Variants in GRIK2 observed in about 807,000 individuals in gnomAD.
GRIK2 encodes the protein glutamate receptor ionotropic, kainate 2.
A neutral mutation model predicts 100.3 loss-of-function variants in GRIK2; 32 were observed. The observed-to-expected ratio is 0.32, with a 90% CI of 0.24 to 0.43. GRIK2 has a LOEUF of 0.43. Ranked by LOEUF, GRIK2 falls within the 20% of genes least tolerant of loss-of-function variation. The pLI is 1.00. For missense variants in GRIK2, 843 were observed against 1,114.9 expected (o/e 0.76, Z 3.47); for synonymous variants, 417 against 389.4 (o/e 1.07, Z -0.83).
At chr6:101,782,857 CT>C (rs1158965622) in intron 7 of GRIK2, among the ~76,000 whole-genome samples, 5,317 of 130,748 alleles carry the variant, frequency 0.041, 139 homozygotes, top group African/African-American at 0.11. Flanking sequence ...ACTCAAATCT[CT>C]TTTTTTTTTT....
intron 2 of GRIK2, among the ~76,000 whole-genome samples, chr6:101,457,079 T>C (rs1401528837): frequency 6.6e-6 from 1 of 152,156 alleles, no homozygotes; most frequent in East Asian, 1.9e-4. Flanking sequence ...TTTGCATATA[T>C]GCTTATGCTT....
At chr6:101,935,109 T>C (rs950925196) in intron 14 of GRIK2, among the ~76,000 whole-genome samples, 1 of 151,980 alleles carries the variant, frequency 6.6e-6, no homozygotes, top group African/African-American at 2.4e-5. Context: ...TTATGTCTTT[T>C]AGTTTGCACA....
At chr6:101,551,392 A>G (rs1292997275) in intron 2 of GRIK2, among the ~76,000 whole-genome samples, 1 of 152,156 alleles carries the variant, frequency 6.6e-6, no homozygotes, top group Non-Finnish European at 1.5e-5. Flanking sequence ...ATAATTTATT[A>G]TACTATTCAT....
chr6:101,989,030 A>G (rs962497156), intron 14 of GRIK2, among the ~76,000 whole-genome samples: 1 of 152,004 alleles, frequency 6.6e-6, no homozygotes, highest in African/African-American at 2.4e-5. Flanking sequence ...CAGAGTCCAT[A>G]CTTGTTATTT....
chr6:101,902,407 C>A (rs1455020241), intron 12 of GRIK2, among the ~76,000 whole-genome samples: 1 of 151,840 alleles, frequency 6.6e-6, no homozygotes, highest in Non-Finnish European at 1.5e-5. Flanking sequence ...GCCTTGAAAG[C>A]AAAAGTAAAA....
chr6:101,565,012 G>T (rs1777187141), intron 2 of GRIK2, among the ~76,000 whole-genome samples: 1 of 152,062 alleles, frequency 6.6e-6, no homozygotes, highest in East Asian at 1.9e-4. Context: ...TCTCAGGAAT[G>T]AGGCTACTTA....
chr6:101,903,744 T>C (rs944660931), intron 12 of GRIK2, among the ~76,000 whole-genome samples: 3 of 150,546 alleles, frequency 2.0e-5, no homozygotes, highest in Non-Finnish European at 4.5e-5. Context: ...AATACATCAA[T>C]GTTTTTCCCA....
At chr6:102,066,334 G>T (rs1391622569) in intron 16 of GRIK2, among the ~76,000 whole-genome samples, 1 of 151,526 alleles carries the variant, frequency 6.6e-6, no homozygotes, top group Non-Finnish European at 1.5e-5. Context: ...CATTTAAAGA[G>T]CTTATGTGTG....
chr6:101,758,282 T>A (rs910798055), intron 7 of GRIK2, among the ~76,000 whole-genome samples: 6 of 152,168 alleles, frequency 3.9e-5, no homozygotes, highest in African/African-American at 1.4e-4. Context: ...TAAAGTATAG[T>A]GTATAAATGA....
At chr6:101,541,429 CTA>C (rs1160568257) in intron 2 of GRIK2, among the ~76,000 whole-genome samples, 1 of 47,772 alleles carries the variant, frequency 2.1e-5, no homozygotes, top group African/African-American at 1.4e-4. Flanking sequence ...TACACACACA[CTA>C]CACCCTTATA....
At chr6:101,525,610 T>C (rs1014339824) in intron 2 of GRIK2, among the ~76,000 whole-genome samples, 1 of 152,188 alleles carries the variant, frequency 6.6e-6, no homozygotes, top group Admixed American at 6.5e-5. Flanking sequence ...GAATTTTAGG[T>C]AAGAACAAAC....
intron 7 of GRIK2, among the ~76,000 whole-genome samples, chr6:101,751,039 T>C (rs1408766): frequency 0.19 from 28,650 of 152,104 alleles, 4,685 homozygotes; most frequent in East Asian, 0.59. Flanking sequence ...TACCATGTAC[T>C]AACTGTAAAT....
At chr6:101,600,913 A>T (rs1334962616) in intron 2 of GRIK2, among the ~76,000 whole-genome samples, 2 of 151,410 alleles carry the variant, frequency 1.3e-5, no homozygotes, top group Non-Finnish European at 2.9e-5. Context: ...CTCTTTCCTG[A>T]TTGCTCTGGC....
At chr6:101,654,417 C>G (rs1781960092) in intron 4 of GRIK2, among the ~76,000 whole-genome samples, 1 of 152,156 alleles carries the variant, frequency 6.6e-6, no homozygotes, top group South Asian at 2.1e-4. Context: ...ATGTCTGCTT[C>G]TATACTTCCA....
intron 12 of GRIK2, among the ~76,000 whole-genome samples, chr6:101,891,750 T>A (rs1272628582): frequency 6.6e-6 from 1 of 152,144 alleles, no homozygotes; most frequent in African/African-American, 2.4e-5. Flanking sequence ...TAAAATTTTA[T>A]GTGACTTTTG....
intron 7 of GRIK2, among the ~76,000 whole-genome samples, chr6:101,705,922 T>A (rs1190212277): frequency 6.6e-6 from 1 of 151,918 alleles, no homozygotes; most frequent in African/African-American, 2.4e-5. Context: ...TTAAAAAATA[T>A]GTAAGGAGAC....
chr6:101,692,035 G>A (rs570764220), intron 7 of GRIK2, among the ~76,000 whole-genome samples: 6 of 43,936 alleles, frequency 1.4e-4, no homozygotes, highest in African/African-American at 5.3e-4. Context: ...GTAACACCCC[G>A]TCTCAAAAAA....
intron 14 of GRIK2, among the ~76,000 whole-genome samples, chr6:101,961,450 C>A (rs757112064): frequency 1.3e-5 from 2 of 152,072 alleles, no homozygotes; most frequent in Non-Finnish European, 2.9e-5. Context: ...CATACCCATG[C>A]CAACGCCCCC....
intron 2 of GRIK2, among the ~76,000 whole-genome samples, chr6:101,450,831 A>C (rs977839990): frequency 2.0e-5 from 3 of 151,770 alleles, no homozygotes; most frequent in Non-Finnish European, 4.4e-5. Context: ...GAAGAAACTG[A>C]GGGAGTAGAG....
Sources: allele counts gnomAD v4.1 joint callset (sites outside exome capture counted in the v4.1 genomes callset), GRCh38; gene constraint gnomAD v4.1.1; transcripts MANE v1.5; gene names NCBI Gene and HGNC (gene_info 2026-07-23, HGNC 2026-07-21).